Variants in CRIM1 observed in about 807,000 individuals in gnomAD.
CRIM1 encodes the protein cysteine-rich motor neuron 1 protein.
A neutral mutation model predicts 116.4 loss-of-function variants in CRIM1; 32 were observed. The observed-to-expected ratio is 0.27, with a 90% CI of 0.21 to 0.37. The LOEUF (loss-of-function observed/expected upper bound fraction) is 0.37, where lower values mean the gene tolerates loss of function less well. Ranked by LOEUF, CRIM1 falls within the 10% of genes least tolerant of loss-of-function variation. The probability of loss-of-function intolerance (pLI) is 1.00; values close to 1 mark genes in which losing one functional copy is unlikely to be tolerated. For synonymous variants in CRIM1, 590 were observed against 509.2 expected, an observed-to-expected ratio of 1.16 and a Z score of -2.13; for missense variants, 1,331 against 1,354.8, an observed-to-expected ratio of 0.98 and a Z score of 0.28.
chr2:36,398,754 T>C (rs568209816), intron 2 of CRIM1, among the ~76,000 whole-genome samples: 1 of 152,340 alleles, frequency 6.6e-6, no homozygotes, highest in Admixed American at 6.5e-5. Context: ...TGTGAGATCT[T>C]GTAAGAAGTC....
intron 1 of CRIM1, among the ~76,000 whole-genome samples, chr2:36,367,156 G>A (rs1368150780): frequency 6.6e-6 from 1 of 152,124 alleles, no homozygotes; most frequent in Admixed American, 6.5e-5. Context: ...TTAAACAGTT[G>A]GAGACAGAAT....
intron 8 of CRIM1, among the ~76,000 whole-genome samples, chr2:36,504,904 C>A (rs556207009): frequency 6.6e-6 from 1 of 152,186 alleles, no homozygotes; most frequent in African/African-American, 2.4e-5. Flanking sequence ...TGTAAGTTCT[C>A]TTCCAATTTT....
intron 11 of CRIM1, among the ~76,000 whole-genome samples, chr2:36,514,229 T>C (rs1440800668): frequency 1.3e-5 from 2 of 152,212 alleles, no homozygotes; most frequent in East Asian, 3.8e-4. Flanking sequence ...TTTAAATTAA[T>C]AGACATGTGG....
intron 14 of CRIM1, among the ~76,000 whole-genome samples, chr2:36,538,720 A>G (rs1420480803): frequency 1.3e-5 from 2 of 152,216 alleles, no homozygotes; most frequent in African/African-American, 4.8e-5. Context: ...ACCATTTTTC[A>G]GAGCCTTCAG....
At chr2:36,438,404 A>G (rs73924834) in intron 2 of CRIM1, among the ~76,000 whole-genome samples, 1,525 of 152,352 alleles carry the variant, frequency 0.01, 18 homozygotes, top group African/African-American at 0.035. Context: ...TACCAAATGC[A>G]GTTTACAAAC....
chr2:36,417,064 G>A (rs145321255), intron 2 of CRIM1, among the ~76,000 whole-genome samples: 177 of 152,216 alleles, frequency 1.2e-3, no homozygotes, highest in Admixed American at 4.6e-3. Flanking sequence ...CCAGAATCCC[G>A]CCACTCCCAT....
rs1667578201 is a variant in CRIM1, at chr2:36,549,267, T to C, written c.*566T>C. The C allele has an allele frequency of 6.5e-6, 1 of 152,766 alleles. No individual in the cohort carries two copies. Among genetic ancestry groups the C allele is most frequent in the Non-Finnish European group, 1.5e-5 (1 of 68,160 alleles). 9.5% of individuals were successfully genotyped at this position (152,766 alleles called of 1,614,324 possible). A position where few individuals can be genotyped will look rare whatever the true frequency, so the allele number is the denominator to read the frequency against. On this transcript the variant is annotated 3_prime_UTR_variant, in exon 17 of 17. Transcript: ENST00000280527. ...CATCCCAGGTCTAAAGCCACAAGTT[T>C]CTTTTCTATACAGTCACAACTGCAG...
At chr2:36,455,111 TG>T (rs1288489691) in intron 4 of CRIM1, among the ~76,000 whole-genome samples, 1 of 152,100 alleles carries the variant, frequency 6.6e-6, no homozygotes, top group East Asian at 1.9e-4. Context: ...CAGGGAGAAC[TG>T]GAAGGATGGA....
intron 1 of CRIM1, among the ~76,000 whole-genome samples, chr2:36,367,486 CTT>C (rs898482080): frequency 6.6e-5 from 10 of 152,212 alleles, no homozygotes; most frequent in Admixed American, 3.3e-4. Flanking sequence ...CTTGGCATGA[CTT>C]TGCCTTAATT....
At chr2:36,431,548 A>G (rs1674891395) in intron 2 of CRIM1, among the ~76,000 whole-genome samples, 1 of 152,176 alleles carries the variant, frequency 6.6e-6, no homozygotes, top group Admixed American at 6.5e-5. Flanking sequence ...TTACGATAAT[A>G]CCCTTGGTTT....
At chr2:36,408,403 A>C (rs1056653664) in intron 2 of CRIM1, among the ~76,000 whole-genome samples, 7 of 152,272 alleles carry the variant, frequency 4.6e-5, no homozygotes, top group African/African-American at 1.7e-4. Flanking sequence ...AGAGCTGCTG[A>C]GTTGCTGCTT....
chr2:36,499,135 A>T, intron 7 of CRIM1, 84 bp from the exon 8 acceptor site: 1 of 1,013,538 alleles, frequency 9.9e-7, no homozygotes, highest in Non-Finnish European at 1.5e-6. Flanking sequence ...TTGTAACATT[A>T]TGGTGTGGAA....
At chr2:36,362,617 G>C (rs995248852) in intron 1 of CRIM1, among the ~76,000 whole-genome samples, 7 of 152,112 alleles carry the variant, frequency 4.6e-5, no homozygotes, top group South Asian at 4.1e-4. Flanking sequence ...TGCTTGCCCT[G>C]GGCAGTAGCC....
chr2:36,448,435 T>G (rs1676418251), intron 4 of CRIM1, among the ~76,000 whole-genome samples: 3 of 152,242 alleles, frequency 2.0e-5, no homozygotes, highest in Admixed American at 2.0e-4. Flanking sequence ...CACTTCCTAC[T>G]CCTTGCTCTC....
intron 2 of CRIM1, among the ~76,000 whole-genome samples, chr2:36,406,677 C>T (rs17038833): frequency 0.036 from 5,043 of 138,676 alleles, 235 homozygotes; most frequent in East Asian, 0.1. Context: ...GATTCTCTTA[C>T]TCGTCCTGAA....
chr2:36,390,480 A>G lies in CRIM1; in HGVS notation c.332-6134A>G, dbSNP rs76999926. On this transcript the variant is annotated intron_variant, in intron 1 of 16. Transcript: ENST00000280527. ...AGCTCATTCTGCCTCCTTTCAGGGC[A>G]CGGGGTGTTGAAGATACTTACTTTT... is the stretch of plus-strand genomic sequence containing the variant. 9.2e-4 allele frequency among the ~76,000 whole-genome samples: 140 copies of G among 152,342 alleles called. No individual in the cohort carries two copies. The East Asian group carries it at 0.025, about 27-fold the overall frequency.
intron 1 of CRIM1, among the ~76,000 whole-genome samples, chr2:36,374,591 G>A (rs1670178065): frequency 6.6e-6 from 1 of 152,030 alleles, no homozygotes; most frequent in Non-Finnish European, 1.5e-5. Context: ...ATTATGATTT[G>A]TCAAGCAATT....
intron 2 of CRIM1, among the ~76,000 whole-genome samples, chr2:36,402,156 A>C (rs932798822): frequency 6.6e-6 from 1 of 152,196 alleles, no homozygotes; most frequent in Admixed American, 6.5e-5. Context: ...TAAATACATA[A>C]ATAAACAAGA....
At chr2:36,456,600 C>T (rs1419378087) in intron 4 of CRIM1, among the ~76,000 whole-genome samples, 3 of 152,188 alleles carry the variant, frequency 2.0e-5, no homozygotes, top group African/African-American at 7.2e-5. Context: ...CCTAGACCTA[C>T]GGAAGTGAAG....
Sources: allele counts gnomAD v4.1 joint callset (sites outside exome capture counted in the v4.1 genomes callset), GRCh38; gene constraint gnomAD v4.1.1; transcripts MANE v1.5; gene names NCBI Gene and HGNC (gene_info 2026-07-23, HGNC 2026-07-21).